The following PAPPA2 variants were observed in gnomAD, a reference collection of about 807,000 sequenced individuals.
PAPPA2 encodes pappalysin-2.
PAPPA2 carries 86 observed loss-of-function variants against 176.4 expected under a neutral mutation model. The observed-to-expected ratio is 0.49, with a 90% CI of 0.41 to 0.58. PAPPA2 has a LOEUF of 0.58. Among genes scored for constraint, PAPPA2 ranks in the 20% least tolerant of loss-of-function variants. The pLI is 0.00. For synonymous variants in PAPPA2, 809 were observed against 852.2 expected (o/e 0.95, Z 0.88); for missense variants, 2,073 against 2,256.9 (o/e 0.92, Z 1.65).
intron 14 of PAPPA2, among the ~76,000 whole-genome samples, chr1:176,744,398 T>C (rs532672288): frequency 1.4e-4 from 22 of 152,324 alleles, no homozygotes; most frequent in Non-Finnish European, 2.6e-4. Flanking sequence ...GATTTTGCCA[T>C]GTCCAACTAC....
At chr1:176,779,739 A>AT (rs947933441) in intron 17 of PAPPA2, among the ~76,000 whole-genome samples, 25 of 152,270 alleles carry the variant, frequency 1.6e-4, no homozygotes, top group African/African-American at 5.5e-4. Flanking sequence ...AGGTTATGTG[A>AT]TTTTTTTAAA....
chr1:176,496,027 G>A (rs2102500278), intron 1 of PAPPA2, among the ~76,000 whole-genome samples: 1 of 152,182 alleles, frequency 6.6e-6, no homozygotes, highest in East Asian at 1.9e-4. Flanking sequence ...TGTAGTCACT[G>A]TTTTATTTAT....
chr1:176,655,014 A>G (rs930130159), intron 3 of PAPPA2, among the ~76,000 whole-genome samples: 2 of 151,836 alleles, frequency 1.3e-5, no homozygotes, highest in African/African-American at 4.8e-5. Flanking sequence ...GTCATTAGTA[A>G]GCAGAGATAA....
In PAPPA2 at chr1:176,641,628, G is replaced by A. The variant is rs186670664; in HGVS notation, c.1992-29342G>A. Among the ~76,000 whole-genome samples, 318 of 152,104 alleles carry A rather than the reference G, an allele frequency of 2.1e-3. 3 individuals carry two copies. Among genetic ancestry groups the A allele is most frequent in the African/African-American group, 7.3e-3 (305 of 41,520 alleles). On this transcript the variant is annotated intron_variant, in intron 3 of 22. Coordinates refer to ENST00000367662, the MANE Select transcript of PAPPA2 (RefSeq NM_020318.3). ...ATAGTTTGAAGTCAGGTAGTGTGAT[G>A]CCTCCAGCTTAGATTTTGGGTTTAC... is the stretch of plus-strand genomic sequence containing the variant.
chr1:176,630,035 G>T (rs970257329), intron 3 of PAPPA2, among the ~76,000 whole-genome samples: 1 of 152,102 alleles, frequency 6.6e-6, no homozygotes, highest in Non-Finnish European at 1.5e-5. Context: ...CTCCAGCCTG[G>T]GGGACAAGAG....
At chr1:176,543,751 C>T (rs1378940107) in intron 1 of PAPPA2, among the ~76,000 whole-genome samples, 1 of 152,208 alleles carries the variant, frequency 6.6e-6, no homozygotes, top group Non-Finnish European at 1.5e-5. Flanking sequence ...TGTAAGGACG[C>T]TGTTGCCAGC....
At position 176,556,501 on chromosome 1, in the gene PAPPA2, G is replaced by A; in HGVS notation, c.179G>A (p.Arg60Lys). ...CWLGAKVRRP[R>K]ASPQHHLFGV... ...CTGGGGGCCAAGGTTCGAAGACCCA[G>A]AGCTTCTCCACAGCATCACCTCTTT... is the stretch of plus-strand genomic sequence containing the variant. Residue 60 changes from arginine to lysine, a missense_variant, in exon 2 of 23, where the codon AGA becomes AAA. Transcript: ENST00000367662. The A allele has an allele frequency of 6.2e-7, 1 of 1,614,230 alleles. No individual in the cohort carries two copies. Among genetic ancestry groups the A allele is most frequent in the African/African-American group, 1.3e-5 (1 of 75,054 alleles).
At chr1:176,638,939 C>CGCGT (rs1553379104) in intron 3 of PAPPA2, among the ~76,000 whole-genome samples, 2 of 143,030 alleles carry the variant, frequency 1.4e-5, no homozygotes, top group Non-Finnish European at 3.1e-5. Context: ...TGTGCATGTG[C>CGCGT]GTGTGTGTGT....
At position 176,769,766 on chromosome 1, in the gene PAPPA2, C is replaced by A. The variant is rs761902990; in HGVS notation, c.4483C>A (p.Pro1495Thr). The change falls in exon 16 of 23, where the codon CCA (proline) becomes ACA (threonine). Residue 1495 changes from proline to threonine, a missense_variant. Coordinates refer to ENST00000367662, the MANE Select transcript of PAPPA2 (RefSeq NM_020318.3). ...GAAACGCTGCTCAATCTCTTGTGTC[C>A]CACCAGCCAAGCTGCAAGGTATTGT... ...FLKRCSISCV[P>T]PAKLQGLSPW... 1.2e-5 allele frequency: 19 copies of A among 1,607,484 alleles called. No individual in the cohort carries two copies. The East Asian group carries it at 4.2e-4, about 36-fold the overall frequency.
At chr1:176,589,286 A>G (rs542279748) in intron 2 of PAPPA2, among the ~76,000 whole-genome samples, 69 of 152,292 alleles carry the variant, frequency 4.5e-4, no homozygotes, top group African/African-American at 1.6e-3. Flanking sequence ...AGTGCTGGTA[A>G]TTAATGATAG....
intron 7 of PAPPA2, 58 bp from the exon 8 acceptor site, chr1:176,699,042 T>G: frequency 1.3e-6 from 2 of 1,539,430 alleles, no homozygotes; most frequent in Non-Finnish European, 8.8e-7. Flanking sequence ...TAAGGGCTAC[T>G]CATTTTCTGA....
At chr1:176,762,938 C>T (rs900898893) in intron 14 of PAPPA2, among the ~76,000 whole-genome samples, 1 of 152,150 alleles carries the variant, frequency 6.6e-6, no homozygotes, top group African/African-American at 2.4e-5. Flanking sequence ...GTTCTTCCAA[C>T]TTATACATAA....
At chr1:176,794,049 CA>C (rs1310502849) in intron 20 of PAPPA2, among the ~76,000 whole-genome samples, 3 of 150,934 alleles carry the variant, frequency 2.0e-5, no homozygotes, top group Admixed American at 6.6e-5. Flanking sequence ...GACTCCATCT[CA>C]AAAAAAAATT....
rs754264454 is a variant in PAPPA2 at position 176,595,049 on chromosome 1, A to G, written c.1445A>G (p.Gln482Arg). The change falls in exon 3 of 23, where the codon CAG becomes CGG. Residue 482 changes from glutamine (Q) to arginine (R), a missense_variant. Physicochemically the swap from Gln to Arg is conservative, Grantham distance 43. Around this residue, in one of 4 missense-constraint regions of PAPPA2, gnomAD observed 1,196 missense variants for 1,330.4 expected, o/e 0.90. Coordinates refer to ENST00000367662, the MANE Select transcript of PAPPA2 (RefSeq NM_020318.3). ...AAGTACCCACGACTTGAGGTTCTCC[A>G]GGGCTTTGAGCCAGAGCCTGAGATT... ...DEKYPRLEVL[Q>R]GFEPEPEILS... 8 of 1,614,082 alleles carry G rather than the reference A, an allele frequency of 5.0e-6. No individual in the cohort carries two copies. The highest frequency in any genetic ancestry group is 6.8e-6 in the Non-Finnish European group (8 of 1,180,030).
intron 14 of PAPPA2, among the ~76,000 whole-genome samples, chr1:176,755,714 C>T (rs559592523): frequency 6.6e-5 from 10 of 152,208 alleles, no homozygotes; most frequent in East Asian, 3.9e-4. Context: ...TTAGAGTTGA[C>T]GCTTGAACAG....
chr1:176,710,839 A>G (rs1183298198), intron 11 of PAPPA2, among the ~76,000 whole-genome samples: 2 of 152,200 alleles, frequency 1.3e-5, no homozygotes, highest in Non-Finnish European at 2.9e-5. Context: ...TTGAGGAGCC[A>G]GCTAAGGTTG....
At chr1:176,807,569 C>T (rs1665959609) in intron 21 of PAPPA2, among the ~76,000 whole-genome samples, 1 of 150,296 alleles carries the variant, frequency 6.7e-6, no homozygotes, top group African/African-American at 2.5e-5. Flanking sequence ...GGTCTTGGCT[C>T]ACTCCAACCT....
chr1:176,607,038 T>C (rs970131980), intron 3 of PAPPA2, among the ~76,000 whole-genome samples: 1 of 152,128 alleles, frequency 6.6e-6, no homozygotes, highest in Non-Finnish European at 1.5e-5. Flanking sequence ...TTAACAGATA[T>C]ATATGTTTTA....
intron 3 of PAPPA2, among the ~76,000 whole-genome samples, chr1:176,639,014 A>G (rs529305344): frequency 3.6e-4 from 54 of 151,188 alleles, no homozygotes; most frequent in Non-Finnish European, 4.7e-4. Flanking sequence ...TAAAGGTCCA[A>G]AATACTTGGT....
Sources: allele counts gnomAD v4.1 joint callset (sites outside exome capture counted in the v4.1 genomes callset), GRCh38; gene constraint gnomAD v4.1.1; regional missense constraint gnomAD v4.1.1; transcripts MANE v1.5; gene names NCBI Gene and HGNC (gene_info 2026-07-23, HGNC 2026-07-21).